Variants in ST6GALNAC3 observed in about 807,000 individuals in gnomAD.
ST6GALNAC3 encodes ST6 N-acetylgalactosaminide alpha-2,6-sialyltransferase 3.
ST6GALNAC3 carries 25 observed loss-of-function variants against 32.7 expected under a neutral mutation model. The ratio of observed to expected loss-of-function variants is 0.76; its 90% confidence interval spans 0.56 to 1.07. The LOEUF (loss-of-function observed/expected upper bound fraction) is 1.07, where lower values mean the gene tolerates loss of function less well. ST6GALNAC3 is among the 50% of genes least tolerant of loss of function. The pLI is 0.00. For synonymous variants in ST6GALNAC3, 129 were observed against 133.1 expected, an observed-to-expected ratio of 0.97 and a Z score of 0.21; for missense variants, 355 against 382.4, an observed-to-expected ratio of 0.93 and a Z score of 0.60.
rs959695789 is a variant in ST6GALNAC3 at position 76,634,016 on chromosome 1, T to G, written c.*5210T>G. On this transcript the variant is annotated 3_prime_UTR_variant, in exon 5 of 5. Coordinates refer to ENST00000328299, the MANE Select transcript of ST6GALNAC3 (RefSeq NM_152996.4). ...GAACTGTCCTTGGGCGTTGTAACAG[T>G]GCAGAAAATCTCATTTAGTTTTTTT... is the stretch of plus-strand genomic sequence containing the variant. 2.1e-4 allele frequency: 59 copies of G among 275,030 alleles called. No homozygotes were observed. The highest frequency in any genetic ancestry group is 2.9e-4 in the Non-Finnish European group (52 of 180,834). The allele number at this position is 275,030 out of a possible 1,614,324, so 17.0% of individuals were successfully genotyped here.
chr1:76,531,708 G>A, intron 3 of ST6GALNAC3, among the ~76,000 whole-genome samples: 1 of 152,112 alleles, frequency 6.6e-6, no homozygotes, highest in East Asian at 1.9e-4. Flanking sequence ...TCATGTAATT[G>A]ATAAAATAGA....
chr1:76,475,768 G>C (rs755010683), intron 3 of ST6GALNAC3, among the ~76,000 whole-genome samples: 2 of 151,950 alleles, frequency 1.3e-5, no homozygotes, highest in Admixed American at 6.6e-5. Context: ...TGCCACATAG[G>C]CATACACGTG....
chr1:76,427,910 T>G (rs1055082750), intron 3 of ST6GALNAC3, among the ~76,000 whole-genome samples: 1 of 152,130 alleles, frequency 6.6e-6, no homozygotes, highest in Non-Finnish European at 1.5e-5. Context: ...GTAAGCTGCA[T>G]TCCTAAATGT....
chr1:76,596,178 C>T (rs1181797128), intron 3 of ST6GALNAC3, among the ~76,000 whole-genome samples: 3 of 152,148 alleles, frequency 2.0e-5, no homozygotes, highest in African/African-American at 4.8e-5. Context: ...GAAAACTCTT[C>T]GACCTCCTGC....
chr1:76,079,563 G>A (rs372962890), intron 1 of ST6GALNAC3, among the ~76,000 whole-genome samples: 12 of 152,258 alleles, frequency 7.9e-5, no homozygotes, highest in Middle Eastern at 3.4e-3. Context: ...AGGTTGATGA[G>A]GCTTATGAAC....
At chr1:76,516,435 T>A (rs72678083) in intron 3 of ST6GALNAC3, among the ~76,000 whole-genome samples, 166 of 152,324 alleles carry the variant, frequency 1.1e-3, no homozygotes, top group Non-Finnish European at 1.5e-3. Flanking sequence ...CAATTAAAAA[T>A]ATACTTTTTT....
chr1:76,539,334 C>T (rs1485706095), intron 3 of ST6GALNAC3, among the ~76,000 whole-genome samples: 3 of 152,104 alleles, frequency 2.0e-5, no homozygotes, highest in African/African-American at 4.8e-5. Flanking sequence ...TGAAACTGGA[C>T]TCCTTCGTTA....
At chr1:76,341,621 C>CTTTCTTTA (rs1419272696) in intron 2 of ST6GALNAC3, among the ~76,000 whole-genome samples, 28 of 119,782 alleles carry the variant, frequency 2.3e-4, no homozygotes, top group Admixed American at 5.1e-4. Flanking sequence ...TTCTTTCTTT[C>CTTTCTTTA]TTTCTTTCTT....
intron 1 of ST6GALNAC3, among the ~76,000 whole-genome samples, chr1:76,296,598 C>T (rs1157677663): frequency 6.6e-6 from 1 of 151,984 alleles, no homozygotes; most frequent in Non-Finnish European, 1.5e-5. Context: ...ATCTTAGAAA[C>T]CCCAAATGTC....
chr1:76,325,963 G>A (rs2100939312), intron 2 of ST6GALNAC3, among the ~76,000 whole-genome samples: 1 of 151,754 alleles, frequency 6.6e-6, no homozygotes, highest in Non-Finnish European at 1.5e-5. Flanking sequence ...ATGAATTTCA[G>A]CATCATTTTA....
intron 1 of ST6GALNAC3, among the ~76,000 whole-genome samples, chr1:76,109,270 T>C (rs1647758742): frequency 2.0e-5 from 3 of 152,144 alleles, no homozygotes; most frequent in Admixed American, 1.3e-4. Context: ...ACACTCTCCC[T>C]ACTTCCTCCC....
Position 76,181,040 on chromosome 1 carries a change from G to A in ST6GALNAC3, c.18+106156G>A, listed in dbSNP as rs200009717. ...TGTAACATACACCCAACTGGGCTCC[G>A]GGAGTCACAGGCTCCCATCCCTGGA... On this transcript the variant is annotated intron_variant, in intron 1 of 4. Coordinates refer to ENST00000328299, the MANE Select transcript of ST6GALNAC3 (RefSeq NM_152996.4). 5.3e-5 allele frequency among the ~76,000 whole-genome samples: 8 copies of A among 152,316 alleles called. No homozygotes were observed. In the East Asian group the frequency reaches 7.7e-4, roughly 15 times the overall value.
chr1:76,224,348 C>T (rs2100614978), intron 1 of ST6GALNAC3, among the ~76,000 whole-genome samples: 1 of 152,274 alleles, frequency 6.6e-6, no homozygotes, highest in South Asian at 2.1e-4. Flanking sequence ...GCATTCCCAG[C>T]CCAGAGGAAG....
At chr1:76,619,525 A>G (rs1276535538) in intron 3 of ST6GALNAC3, among the ~76,000 whole-genome samples, 1 of 152,132 alleles carries the variant, frequency 6.6e-6, no homozygotes, top group African/African-American at 2.4e-5. Flanking sequence ...TCAACTCTGA[A>G]TTAATGAGGA....
At chr1:76,112,316 G>C (rs561660548) in intron 1 of ST6GALNAC3, among the ~76,000 whole-genome samples, 2 of 139,804 alleles carry the variant, frequency 1.4e-5, no homozygotes, top group African/African-American at 5.7e-5. Flanking sequence ...CAGTAGGGGC[G>C]GCCGGGCAGA....
intron 3 of ST6GALNAC3, among the ~76,000 whole-genome samples, chr1:76,495,224 C>T (rs377528836): frequency 6.6e-6 from 1 of 152,154 alleles, no homozygotes; most frequent in African/African-American, 2.4e-5. Flanking sequence ...GTAACATGTA[C>T]ATACTGTGTG....
At chr1:76,301,398 A>G (rs941569250) in intron 1 of ST6GALNAC3, among the ~76,000 whole-genome samples, 2 of 152,054 alleles carry the variant, frequency 1.3e-5, no homozygotes, top group Non-Finnish European at 2.9e-5. Flanking sequence ...GCTCTTTGAT[A>G]ACAGACCTTG....
chr1:76,549,486 T>G (rs1664496437), intron 3 of ST6GALNAC3, among the ~76,000 whole-genome samples: 2 of 151,668 alleles, frequency 1.3e-5, no homozygotes, highest in African/African-American at 4.8e-5. Flanking sequence ...CTAAAAATAT[T>G]ATTACCTTTT....
At chr1:76,361,934 C>T (rs1351598033) in intron 2 of ST6GALNAC3, among the ~76,000 whole-genome samples, 7 of 148,466 alleles carry the variant, frequency 4.7e-5, no homozygotes, top group South Asian at 2.1e-4. Flanking sequence ...GCTGAGATCA[C>T]GCCACTGCAC....
Sources: gnomAD v4.1 joint callset for allele counts (sites outside exome capture counted in the v4.1 genomes callset) on GRCh38, gnomAD v4.1.1 for gene constraint, MANE v1.5 for transcripts, NCBI Gene and HGNC (gene_info 2026-07-23, HGNC 2026-07-21) for gene names.